TMPRSS15: variants seen among roughly 807,000 people sequenced by gnomAD.
The protein encoded by TMPRSS15 is enteropeptidase.
A neutral mutation model predicts 125.3 loss-of-function variants in TMPRSS15; 128 were observed. That is an observed-to-expected ratio of 1.02 (90% CI 0.89 to 1.18). The LOEUF is 1.18. Ranked by LOEUF, TMPRSS15 falls within the 50% of genes most tolerant of loss-of-function variation. The pLI, the probability that TMPRSS15 is intolerant of heterozygous loss-of-function variation, is 0.00. For missense variants in TMPRSS15, 1,283 were observed against 1,212.7 expected, an observed-to-expected ratio of 1.06 and a Z score of -0.86; for synonymous variants, 446 against 423.2, an observed-to-expected ratio of 1.05 and a Z score of -0.66.
At chr21:18,276,348 A>G (rs1051927874) in intron 23 of TMPRSS15, among the ~76,000 whole-genome samples, 1 of 152,204 alleles carries the variant, frequency 6.6e-6, no homozygotes, top group Non-Finnish European at 1.5e-5. Flanking sequence ...ACACTTCCAC[A>G]ATGATCAATT....
intron 1 of TMPRSS15, among the ~76,000 whole-genome samples, chr21:18,436,551 A>T (rs2076228277): frequency 6.6e-6 from 1 of 151,762 alleles, no homozygotes; most frequent in South Asian, 2.1e-4. Context: ...CCATTGTCTC[A>T]GCCCAAAATC....
At chr21:18,454,131 A>T (rs1978393540) in intron 1 of TMPRSS15, among the ~76,000 whole-genome samples, 1 of 152,198 alleles carries the variant, frequency 6.6e-6, no homozygotes, top group Admixed American at 6.5e-5. Flanking sequence ...TCATATAAGA[A>T]ACTCAATTTA....
At chr21:18,283,584 A>T (rs1212416466) in intron 21 of TMPRSS15, among the ~76,000 whole-genome samples, 1 of 151,860 alleles carries the variant, frequency 6.6e-6, no homozygotes, top group African/African-American at 2.4e-5. Context: ...ATATTAATGA[A>T]CTATTAATAT....
intron 1 of TMPRSS15, among the ~76,000 whole-genome samples, chr21:18,424,699 A>T (rs1056110454): frequency 6.6e-6 from 1 of 152,076 alleles, no homozygotes; most frequent in Non-Finnish European, 1.5e-5. Flanking sequence ...TGAATGCATT[A>T]TTCTTTGTAA....
At chr21:18,472,804 G>T (rs1481598087) in intron 1 of TMPRSS15, among the ~76,000 whole-genome samples, 1 of 151,942 alleles carries the variant, frequency 6.6e-6, no homozygotes, top group African/African-American at 2.4e-5. Context: ...TGAAGTTAGG[G>T]CTATAAGAAA....
rs567017561 is a variant in TMPRSS15 at position 18,451,743 on chromosome 21, C to T, written c.10+34056G>A. 2.6e-5 allele frequency among the ~76,000 whole-genome samples: 4 copies of T among 152,252 alleles called. No individual in the cohort carries two copies. In the South Asian group the frequency reaches 8.3e-4, roughly 32 times the overall value. ...TCTCTCTTCTACTCTGTTTTCTATA[C>T]TTTCCTGGTGGAAAAGGTTCAGTTT... On this transcript the variant is annotated intron_variant, in intron 1 of 7. Coordinates refer to the TMPRSS15 transcript ENST00000422787.
At chr21:18,357,339 T>A (rs1779715724) in intron 8 of TMPRSS15, among the ~76,000 whole-genome samples, 1 of 151,890 alleles carries the variant, frequency 6.6e-6, no homozygotes, top group South Asian at 2.1e-4. Context: ...ATGTCTGTAT[T>A]TCTCTGATGC....
At chr21:18,345,091 G>A (rs967059983) in intron 10 of TMPRSS15, among the ~76,000 whole-genome samples, 3 of 152,200 alleles carry the variant, frequency 2.0e-5, no homozygotes, top group Non-Finnish European at 2.9e-5. Flanking sequence ...TTAGACCAGT[G>A]AGGCAAAAAT....
chr21:18,311,048 T>G (rs1346769662), intron 18 of TMPRSS15, among the ~76,000 whole-genome samples: 1 of 151,118 alleles, frequency 6.6e-6, no homozygotes, highest in Non-Finnish European at 1.5e-5. Flanking sequence ...AGTATGAAAC[T>G]AGACCCTTAT....
At chr21:18,435,344 T>C (rs1006426897) in intron 1 of TMPRSS15, among the ~76,000 whole-genome samples, 5 of 152,110 alleles carry the variant, frequency 3.3e-5, no homozygotes, top group African/African-American at 1.2e-4. Flanking sequence ...GCATGAATGG[T>C]TGTTGAATTT....
chr21:18,289,682 A>C (rs2074810661), intron 21 of TMPRSS15, among the ~76,000 whole-genome samples: 1 of 152,154 alleles, frequency 6.6e-6, no homozygotes, highest in South Asian at 2.1e-4. Flanking sequence ...TGAAAAGCTA[A>C]ATTAAAGAAT....
chr21:18,332,126 T>C lies in TMPRSS15; in HGVS notation c.1612A>G (p.Ser538Gly). ...FELWEPNTTFSSTNFPNSYPN... is the reference protein window; with the variant it reads ...FELWEPNTTFGSTNFPNSYPN... ...TAGCTGTTTGGAAAGTTCGTAGAAC[T>C]GAATGTTGTATTTGGCTCCCACAGC... Residue 538 changes from serine (S) to glycine (G), a missense_variant, in exon 14 of 25, where the codon AGT becomes GGT. Physicochemically the swap from Ser to Gly is moderately conservative, Grantham distance 56. Transcript: ENST00000284885. The C allele has an allele frequency of 1.2e-6, 2 of 1,614,132 alleles. No homozygotes were observed. The highest frequency in any genetic ancestry group is 1.1e-5 in the South Asian group (1 of 91,088).
chr21:18,452,395 A>C (rs970979381), intron 1 of TMPRSS15, among the ~76,000 whole-genome samples: 1 of 152,204 alleles, frequency 6.6e-6, no homozygotes, highest in African/African-American at 2.4e-5. Flanking sequence ...TGGGTATGGC[A>C]GCTCACGCCT....
chr21:18,339,173 A>T (rs988298934), intron 13 of TMPRSS15, among the ~76,000 whole-genome samples: 2 of 152,184 alleles, frequency 1.3e-5, no homozygotes, highest in Non-Finnish European at 2.9e-5. Flanking sequence ...TATTTATAAA[A>T]TTTGAATGAA....
chr21:18,319,919 T>A (rs1443891062), intron 16 of TMPRSS15, among the ~76,000 whole-genome samples: 1 of 152,226 alleles, frequency 6.6e-6, no homozygotes, highest in Non-Finnish European at 1.5e-5. Flanking sequence ...GAAATCTAAG[T>A]TACCTTAACA....
chr21:18,305,183 C>CTTTTTTTTTT (rs59103494), intron 18 of TMPRSS15, among the ~76,000 whole-genome samples: 22 of 86,054 alleles, frequency 2.6e-4, no homozygotes, highest in African/African-American at 4.9e-4. Context: ...AATTTCCGTA[C>CTTTTTTTTTT]TTTTTTTTTT....
At chr21:18,415,018 C>G (rs2076176392) in intron 1 of TMPRSS15, among the ~76,000 whole-genome samples, 1 of 152,040 alleles carries the variant, frequency 6.6e-6, no homozygotes, top group African/African-American at 2.4e-5. Flanking sequence ...TTCTTGCTAG[C>G]CCTTATCTGT....
At chr21:18,339,638 C>T (rs1456070356) in intron 13 of TMPRSS15, among the ~76,000 whole-genome samples, 3 of 152,022 alleles carry the variant, frequency 2.0e-5, no homozygotes, top group African/African-American at 7.3e-5. Flanking sequence ...CCAAGCAAAG[C>T]CGTAGAGCTA....
chr21:18,355,941 A>G (rs2075620238), intron 8 of TMPRSS15, among the ~76,000 whole-genome samples: 1 of 151,830 alleles, frequency 6.6e-6, no homozygotes, highest in African/African-American at 2.4e-5. Flanking sequence ...GAATTTGCCT[A>G]CATAAACGAG....
Sources: gnomAD v4.1 joint callset for allele counts (sites outside exome capture counted in the v4.1 genomes callset) on GRCh38, gnomAD v4.1.1 for gene constraint, MANE v1.5 for transcripts, NCBI Gene and HGNC (gene_info 2026-07-23, HGNC 2026-07-21) for gene names.